Variants in GALNT5 observed in about 807,000 individuals in gnomAD.
GALNT5 encodes the protein polypeptide N-acetylgalactosaminyltransferase 5, also known as UDP-GalNAc:polypeptide N-acetylgalactosaminyltransferase 5.
Under a neutral mutation model 85.4 loss-of-function variants are expected in GALNT5, and 72 were observed. That is an observed-to-expected ratio of 0.84 (90% CI 0.70 to 1.03). The LOEUF is 1.03. GALNT5 is among the 50% of genes least tolerant of loss of function. GALNT5 has a pLI of 0.00. For missense variants in GALNT5, 1,137 were observed against 1,135.5 expected, an observed-to-expected ratio of 1.00 and a Z score of -0.02; for synonymous variants, 404 against 397.0, an observed-to-expected ratio of 1.02 and a Z score of -0.21.
At chr2:157,294,619 T>C (rs2105154985) in intron 3 of GALNT5, among the ~76,000 whole-genome samples, 2 of 152,244 alleles carry the variant, frequency 1.3e-5, no homozygotes, top group Admixed American at 1.3e-4. Flanking sequence ...TTCAACACAC[T>C]GGCTGGGCAC....
intron 3 of GALNT5, among the ~76,000 whole-genome samples, chr2:157,295,146 T>C (rs1259055525): frequency 1.4e-5 from 2 of 147,556 alleles, no homozygotes; most frequent in Admixed American, 1.3e-4. Context: ...CATTAATCAG[T>C]AACCTCCCAT....
chr2:157,306,315 T>C (rs1683454757), intron 8 of GALNT5, among the ~76,000 whole-genome samples: 1 of 152,208 alleles, frequency 6.6e-6, no homozygotes, highest in South Asian at 2.1e-4. Context: ...GAAGCAGTCT[T>C]ATTGTCTGAT....
At chr2:157,276,149 C>A (rs1010831153) in intron 1 of GALNT5, among the ~76,000 whole-genome samples, 1 of 152,136 alleles carries the variant, frequency 6.6e-6, no homozygotes, top group Admixed American at 6.5e-5. Context: ...GTTGAACTAG[C>A]CTTTCATCCC....
rs1683679151 is a variant in GALNT5 at position 157,315,447 on chromosome 2, TGTC to T, written c.*4100_*4102del. ...ATTAATTTTCTTCTTTACAAAGGGC[TGTC>T]ATCTCAGGTGGGTGCATTTAAAAGT... On this transcript the variant is annotated 3_prime_UTR_variant, in exon 10 of 10. Coordinates refer to ENST00000259056, the MANE Select transcript of GALNT5 (RefSeq NM_014568.3). Among the ~76,000 whole-genome samples, 1 of 152,246 alleles carries T rather than the reference TGTC, an allele frequency of 6.6e-6. No homozygotes were observed. The highest frequency in any genetic ancestry group is 2.4e-5 in the African/African-American group (1 of 41,468).
intron 9 of GALNT5, among the ~76,000 whole-genome samples, chr2:157,309,803 C>T (rs1257066871): frequency 3.9e-5 from 6 of 152,146 alleles, no homozygotes; most frequent in Non-Finnish European, 5.9e-5. Flanking sequence ...TCTTTCTGAA[C>T]AGTTTTTTCT....
intron 3 of GALNT5, among the ~76,000 whole-genome samples, 173 bp downstream of exon 3, chr2:157,286,307 C>T (rs1314929043): frequency 1.3e-5 from 2 of 152,226 alleles, no homozygotes; most frequent in East Asian, 3.9e-4. Flanking sequence ...CACACATAGA[C>T]ACCTATTGTA....
chr2:157,279,810 C>A (rs1374505471), intron 1 of GALNT5, among the ~76,000 whole-genome samples: 1 of 152,242 alleles, frequency 6.6e-6, no homozygotes, highest in Non-Finnish European at 1.5e-5. Context: ...TTGGCTCACC[C>A]TCTGTGGGCT....
intron 1 of GALNT5, among the ~76,000 whole-genome samples, chr2:157,277,515 G>A (rs1288931246): frequency 6.6e-6 from 1 of 152,184 alleles, no homozygotes; most frequent in Non-Finnish European, 1.5e-5. Context: ...TGTATTGGGT[G>A]CATATATATT....
At chr2:157,273,715 T>C (rs1225193910) in intron 1 of GALNT5, among the ~76,000 whole-genome samples, 1 of 135,692 alleles carries the variant, frequency 7.4e-6, no homozygotes, top group Non-Finnish European at 1.5e-5. Flanking sequence ...CAATCTCAGC[T>C]CACCGCAACC....
intron 1 of GALNT5, among the ~76,000 whole-genome samples, chr2:157,268,358 C>A (rs979074945): frequency 6.6e-6 from 1 of 152,170 alleles, no homozygotes; most frequent in Non-Finnish European, 1.5e-5. Flanking sequence ...AATGGTTGAG[C>A]ACTTGATAGA....
chr2:157,274,067 A>G (rs1238719951), intron 1 of GALNT5, among the ~76,000 whole-genome samples: 2 of 151,922 alleles, frequency 1.3e-5, no homozygotes, highest in African/African-American at 4.8e-5. Flanking sequence ...GAGTGAAAAC[A>G]TGTGGTGTTT....
rs538867911 is a variant in GALNT5 at position 157,314,520 on chromosome 2, T to C, written c.*3172T>C. The stretch of plus-strand genomic sequence containing the variant: ...CATGTGCCATGATCACAATGTATTA[T>C]TAGCTTCGCCACACTAATTTGGAAA... On this transcript the variant is annotated 3_prime_UTR_variant, in exon 10 of 10. Coordinates refer to ENST00000259056, the MANE Select transcript of GALNT5 (RefSeq NM_014568.3). 3.6e-4 allele frequency among the ~76,000 whole-genome samples: 55 copies of C among 152,332 alleles called. No homozygotes were observed. In the South Asian group the frequency reaches 0.011, roughly 30 times the overall value.
chr2:157,313,000 A>G lies in GALNT5; in HGVS notation c.*1652A>G, dbSNP rs1683609988. 6.6e-6 allele frequency: 1 copy of G among 152,074 alleles called. No homozygotes were observed. The allele number at this position is 152,074 out of a possible 1,614,324, so 9.4% of individuals were successfully genotyped here. ...TGAGTTACGTAAAAGCAAAACTATA[A>G]CTAAGAATGGGAAAAAGAACTATTT... is the stretch of plus-strand genomic sequence containing the variant. On this transcript the variant is annotated 3_prime_UTR_variant, in exon 10 of 10. Transcript: ENST00000259056.
Position 157,317,394 on chromosome 2 carries a change from C to T in GALNT5, c.*6046C>T, listed in dbSNP as rs746210651. Among the ~76,000 whole-genome samples the T allele has an allele frequency of 3.9e-5, 6 of 151,914 alleles. No homozygotes were observed. The highest frequency in any genetic ancestry group is 8.8e-5 in the Non-Finnish European group (6 of 67,928). On this transcript the variant is annotated 3_prime_UTR_variant, in exon 10 of 10. Coordinates refer to ENST00000259056, the MANE Select transcript of GALNT5 (RefSeq NM_014568.3). ...CATTTTCCAAACTTGAAGGAGTAAT[C>T]AAGTTCTTAATTATCAGGGTGCTTG...
Position 157,314,964 on chromosome 2 carries a change from G to A in GALNT5, c.*3616G>A, listed in dbSNP as rs1241945373. 6.6e-6 allele frequency among the ~76,000 whole-genome samples: 1 copy of A among 152,006 alleles called. No homozygotes were observed. The highest frequency in any genetic ancestry group is 1.5e-5 in the Non-Finnish European group (1 of 67,996). On this transcript the variant is annotated 3_prime_UTR_variant, in exon 10 of 10. Coordinates refer to ENST00000259056, the MANE Select transcript of GALNT5 (RefSeq NM_014568.3). ...ATGGTGGTGGGCGCCTGTAATCCCA[G>A]CTACCTGGGAGGCTGAAGCAGGAGA...
rs1242227313 is a variant in GALNT5, at chr2:157,315,958, A to T, written c.*4610A>T. The stretch of plus-strand genomic sequence containing the variant: ...TTTGGGGCAAGATTTGATTGATTTC[A>T]TACAGAGGCTTGAGGAGGCGGTGAT... On this transcript the variant is annotated 3_prime_UTR_variant, in exon 10 of 10. Coordinates refer to ENST00000259056, the MANE Select transcript of GALNT5 (RefSeq NM_014568.3). 6.6e-6 allele frequency among the ~76,000 whole-genome samples: 1 copy of T among 152,180 alleles called. No individual in the cohort carries two copies. Among genetic ancestry groups the T allele is most frequent in the East Asian group, 1.9e-4 (1 of 5,190 alleles).
At position 157,305,837 on chromosome 2, in the gene GALNT5, A is replaced by C. The variant is rs1037166332; in HGVS notation, c.2520+8A>C. ...TGCGATGGGAGCAAAGAGGTATGCT[A>C]AACTGTTTTCTATCTCATGGTAGCT... On this transcript the variant is annotated splice_region_variant and intron_variant, in intron 8 of 9. Coordinates refer to ENST00000259056, the MANE Select transcript of GALNT5 (RefSeq NM_014568.3). 1 of 1,537,128 alleles carries C rather than the reference A, an allele frequency of 6.5e-7. No homozygotes were observed. The highest frequency in any genetic ancestry group is 1.4e-5 in the African/African-American group (1 of 73,378).
At position 157,284,393 on chromosome 2, in the gene GALNT5, C is replaced by T. The variant is rs781104495; in HGVS notation, c.1566C>T (p.Arg522=). ...GATCTGTTCACAGTGTCATCAATCG[C>T]TCTCCTCCACACCTCATCAAGGAGA... The part of the protein sequence containing the change: ...LLRSVHSVIN[R]SPPHLIKEIL... Residue 522 remains arginine (R), a synonymous_variant, in exon 2 of 10, where the codon CGC becomes CGT. Coordinates refer to ENST00000259056, the MANE Select transcript of GALNT5 (RefSeq NM_014568.3). 3.1e-6 allele frequency: 5 copies of T among 1,613,928 alleles called. No homozygotes were observed. The South Asian group carries it at 4.4e-5, about 14-fold the overall frequency.
intron 1 of GALNT5, among the ~76,000 whole-genome samples, chr2:157,271,828 C>T (rs1682592073): frequency 1.3e-5 from 2 of 152,094 alleles, no homozygotes; most frequent in Non-Finnish European, 2.9e-5. Flanking sequence ...GGAAATCTGA[C>T]CTGTATATAA....
Sources: allele counts gnomAD v4.1 joint callset (sites outside exome capture counted in the v4.1 genomes callset), GRCh38; gene constraint gnomAD v4.1.1; transcripts MANE v1.5; gene names NCBI Gene and HGNC (gene_info 2026-07-23, HGNC 2026-07-21).